FIBCD1: variants seen among roughly 807,000 people sequenced by gnomAD.
FIBCD1 encodes the protein fibrinogen C domain-containing protein 1.
Under a neutral mutation model 45.1 loss-of-function variants are expected in FIBCD1, and 47 were observed. The observed-to-expected ratio is 1.04, with a 90% confidence interval of 0.82 to 1.33. The LOEUF is 1.33. FIBCD1 is among the 40% of genes most tolerant of loss of function. FIBCD1 has a pLI of 0.00. For missense variants in FIBCD1, 653 were observed against 682.2 expected, an observed-to-expected ratio of 0.96 and a Z score of 0.48; for synonymous variants, 313 against 308.1, an observed-to-expected ratio of 1.02 and a Z score of -0.17.
chr9:130,913,841 G>A (rs1439126961), intron 4 of FIBCD1, among the ~76,000 whole-genome samples: 2 of 152,212 alleles, frequency 1.3e-5, no homozygotes, highest in African/African-American at 4.8e-5. Flanking sequence ...AGCCCCCTGG[G>A]ATGCCTGGCT....
intron 6 of FIBCD1, 121 bp from the exon 7 acceptor site, chr9:130,904,444 C>T: frequency 7.2e-7 from 1 of 1,387,390 alleles, no homozygotes; most frequent in Non-Finnish European, 9.7e-7. Flanking sequence ...TACACGTACG[C>T]ACGTGCTCTC....
At position 130,923,737 on chromosome 9, in the gene FIBCD1, C is replaced by A. The variant is rs200625492; in HGVS notation, c.849+7G>T. 133 of 1,611,370 alleles carry A rather than the reference C, an allele frequency of 8.3e-5. No homozygotes were observed. The East Asian group carries it at 1.5e-3, about 18-fold the overall frequency. ...GCCCTGCCGCCCGCCCAGCCTGGGA[C>A]ACTCACCGTCCAGCCGCCGCCGTCC... On this transcript the variant is annotated splice_region_variant and intron_variant, in intron 4 of 6. Transcript: ENST00000372338.
At chr9:130,911,430 G>A (rs1832044086) in intron 5 of FIBCD1, among the ~76,000 whole-genome samples, 1 of 152,140 alleles carries the variant, frequency 6.6e-6, no homozygotes, top group Admixed American at 6.5e-5. Context: ...GTGGGGCCGG[G>A]TCCTCCTCTG....
intron 2 of FIBCD1, among the ~76,000 whole-genome samples, chr9:130,927,350 G>T (rs775248031): frequency 2.6e-5 from 4 of 152,200 alleles, no homozygotes; most frequent in Admixed American, 6.5e-5. Flanking sequence ...ATAAGGAGAC[G>T]TTGATGGTGC....
At chr9:130,930,405 C>T (rs913297825) in intron 1 of FIBCD1, among the ~76,000 whole-genome samples, 4 of 147,862 alleles carry the variant, frequency 2.7e-5, no homozygotes, top group East Asian at 2.0e-4. Context: ...TGGGGAGATG[C>T]GGGGAGACGC....
At chr9:130,939,615 GGCGCTGTGGTCGCGAGTACCAGCCGCTCC>G (rs1832583582), upstream of FIBCD1, among the ~76,000 whole-genome samples, 1 of 151,954 alleles carries the variant, frequency 6.6e-6, no homozygotes, top group South Asian at 2.1e-4. Flanking sequence ...CACAGCCGCC[GGCGCTGTGGTCGCGAGTACCAGCCGCTCC>G]GCGCTCGGCC....
chr9:130,934,372 G>A (rs928948229), intron 1 of FIBCD1, among the ~76,000 whole-genome samples: 2 of 152,314 alleles, frequency 1.3e-5, no homozygotes, highest in African/African-American at 4.8e-5. Flanking sequence ...TGTGAGATCT[G>A]AGCGGGAACC....
chr9:130,924,408 A>G lies in FIBCD1; in HGVS notation c.553-12T>C. On this transcript the variant is annotated splice_polypyrimidine_tract_variant and intron_variant, in intron 2 of 6. Coordinates refer to ENST00000372338, the MANE Select transcript of FIBCD1 (RefSeq NM_032843.5). ...CTCTCAGAGAGAAGCTGCGGAGCACAGGGGGTGAGCCGAGGGGGCAGGGGC... is the reference window on the plus strand; with the variant it reads ...CTCTCAGAGAGAAGCTGCGGAGCACGGGGGGTGAGCCGAGGGGGCAGGGGC... 5 of 1,596,912 alleles carry G rather than the reference A, an allele frequency of 3.1e-6. No homozygotes were observed. Among genetic ancestry groups the G allele is most frequent in the African/African-American group, 1.3e-5 (1 of 74,748 alleles).
At chr9:130,938,381 G>A (rs1198474646) in intron 1 of FIBCD1, among the ~76,000 whole-genome samples, 155 bp downstream of exon 1, 1 of 152,224 alleles carries the variant, frequency 6.6e-6, no homozygotes, top group Non-Finnish European at 1.5e-5. Context: ...GCTCGGGGAG[G>A]AGGAGAGGAG....
upstream of FIBCD1, among the ~76,000 whole-genome samples, chr9:130,939,524 C>T (rs1173802371): frequency 6.6e-6 from 1 of 152,098 alleles, no homozygotes; most frequent in African/African-American, 2.4e-5. Flanking sequence ...GACCCGTGCC[C>T]TCGCGCCCGC....
At chr9:130,923,940 T>C in intron 3 of FIBCD1, 60 bp from the exon 4 acceptor site, 1 of 1,606,908 alleles carries the variant, frequency 6.2e-7, no homozygotes, top group Non-Finnish European at 8.5e-7. Flanking sequence ...CCCAGCCCCC[T>C]GGCCAAACTG....
intron 1 of FIBCD1, among the ~76,000 whole-genome samples, chr9:130,935,115 A>G (rs1385558427): frequency 1.3e-5 from 2 of 152,202 alleles, no homozygotes; most frequent in East Asian, 1.9e-4. Context: ...AGTAAATTTA[A>G]TGCAGCAGGG....
chr9:130,935,815 T>G (rs1457705856), intron 1 of FIBCD1, among the ~76,000 whole-genome samples: 1 of 152,176 alleles, frequency 6.6e-6, no homozygotes, highest in Non-Finnish European at 1.5e-5. Context: ...GGTTCATCAC[T>G]CCTGCCACCA....
chr9:130,918,679 G>T (rs902791967), intron 4 of FIBCD1, among the ~76,000 whole-genome samples: 2 of 152,196 alleles, frequency 1.3e-5, no homozygotes, highest in African/African-American at 2.4e-5. Context: ...GGGCGGCTCT[G>T]CGGCATTCCC....
chr9:130,940,646 G>A (rs1162238841), upstream of FIBCD1, among the ~76,000 whole-genome samples: 1 of 152,236 alleles, frequency 6.6e-6, no homozygotes, highest in African/African-American at 2.4e-5. Context: ...GACTGCACAC[G>A]CTTCAGAAGG....
In FIBCD1 at chr9:130,924,248, C is replaced by T; in HGVS notation, c.701G>A (p.Gly234Asp). ...RAPARGTRPRGCATGSRPRDC... is the reference protein window; with the variant it reads ...RAPARGTRPRDCATGSRPRDC... The stretch of plus-strand genomic sequence containing the variant: ...CCTGCCCCACTCACCAGTGGCACAG[C>T]CCCGGGGCCGGGTTCCCCGGGCAGG... The change falls in exon 3 of 7, where the codon GGC becomes GAC. Residue 234 changes from glycine to aspartate, a missense_variant. By Grantham distance (94) the Gly-to-Asp change is moderately conservative. Transcript: ENST00000372338. 6.3e-7 allele frequency: 1 copy of T among 1,594,590 alleles called. No homozygotes were observed. The highest frequency in any genetic ancestry group is 1.1e-5 in the South Asian group (1 of 87,942).
intron 4 of FIBCD1, among the ~76,000 whole-genome samples, chr9:130,914,265 G>C (rs906120712): frequency 1.1e-4 from 16 of 152,190 alleles, no homozygotes; most frequent in Non-Finnish European, 5.9e-5. Flanking sequence ...CATTCACACA[G>C]ATGTTCCACC....
intron 4 of FIBCD1, among the ~76,000 whole-genome samples, chr9:130,913,067 C>T (rs1215654609): frequency 1.3e-5 from 2 of 152,188 alleles, no homozygotes; most frequent in South Asian, 4.1e-4. Flanking sequence ...AGCGCCTGGG[C>T]TGCCTCTGTT....
chr9:130,922,122 C>T lies in FIBCD1; in HGVS notation c.849+1622G>A, dbSNP rs1832271512. On this transcript the variant is annotated intron_variant, in intron 4 of 6. Transcript: ENST00000372338. This position sits in a 1 kb window ranked among gnomAD's most constrained non-coding sequence, Gnocchi z 4.5. ...GCTTCCCTCTCTCCTGTTTCTCGGT[C>T]ACTTGTTTTGTCTGATGTTAAGCCC... is the stretch of plus-strand genomic sequence containing the variant. 6.6e-6 allele frequency among the ~76,000 whole-genome samples: 1 copy of T among 152,236 alleles called. No individual in the cohort carries two copies. The highest frequency in any genetic ancestry group is 1.5e-5 in the Non-Finnish European group (1 of 68,050).
Sources: allele counts gnomAD v4.1 joint callset (sites outside exome capture counted in the v4.1 genomes callset), GRCh38; gene constraint gnomAD v4.1.1; non-coding constraint Gnocchi (gnomAD v3.1); transcripts MANE v1.5; gene names NCBI Gene and HGNC (gene_info 2026-07-23, HGNC 2026-07-21).